EPS15L1: variants seen among roughly 807,000 people sequenced by gnomAD.
EPS15L1 encodes the protein epidermal growth factor receptor pathway substrate 15 like 1, also known as epidermal growth factor receptor substrate 15-like 1.
In EPS15L1, 43 loss-of-function variants were observed where a neutral mutation model predicts 117.1. The observed-to-expected ratio is 0.37, with a 90% CI of 0.29 to 0.47. The LOEUF is 0.47. EPS15L1 is among the 20% of genes least tolerant of loss of function. The pLI is 0.99. For synonymous variants in EPS15L1, 459 were observed against 470.5 expected (o/e 0.98, Z 0.32); for missense variants, 981 against 1,164.0 (o/e 0.84, Z 2.29).
chr19:16,375,054 T>C (rs1008907950), intron 22 of EPS15L1, among the ~76,000 whole-genome samples: 3 of 152,196 alleles, frequency 2.0e-5, no homozygotes, highest in African/African-American at 7.2e-5. Context: ...GCATGCACAA[T>C]GCAGTATGTG....
rs1354125992 is a variant in EPS15L1 at position 16,413,749 on chromosome 19, A to G, written c.1266+24T>C. ...ACTACATTTAGCACAAAGTAGATGT[A>G]ACCAAAACGAACGAGACCCTTACCT... On this transcript the variant is annotated intron_variant, in intron 13 of 23. Coordinates refer to ENST00000455140, the MANE Select transcript of EPS15L1 (RefSeq NM_001258374.3). 6 of 1,603,610 alleles carry G rather than the reference A, an allele frequency of 3.7e-6. No homozygotes were observed. In the East Asian group the frequency reaches 1.3e-4, roughly 36 times the overall value.
chr19:16,385,298 G>A, intron 20 of EPS15L1, 87 bp from the exon 21 acceptor site: 3 of 1,087,728 alleles, frequency 2.8e-6, no homozygotes, highest in South Asian at 2.5e-5. Flanking sequence ...GATGGCCCCT[G>A]AACCAGGAGA....
intron 13 of EPS15L1, chr19:16,413,319 G>C (rs2092725549): frequency 1.5e-6 from 1 of 677,120 alleles, no homozygotes; most frequent in Admixed American, 2.1e-5. Context: ...CTCAGCACCT[G>C]TGTCCAAGAA....
intron 1 of EPS15L1, among the ~76,000 whole-genome samples, chr19:16,460,773 G>A (rs2093240986): frequency 6.6e-6 from 1 of 152,308 alleles, no homozygotes; most frequent in South Asian, 2.1e-4. Context: ...ATGCGCCTAG[G>A]CCAATCGTGT....
chr19:16,447,375 A>G (rs2145107703), intron 1 of EPS15L1, among the ~76,000 whole-genome samples: 1 of 152,360 alleles, frequency 6.6e-6, no homozygotes, highest in Middle Eastern at 3.4e-3. Context: ...GGAAAAAGAC[A>G]TCTCAATTAA....
rs200451970 is a variant in EPS15L1, at chr19:16,441,928, T to C, written c.129A>G (p.Leu43=). 34 of 1,614,110 alleles carry C rather than the reference T, an allele frequency of 2.1e-5. No individual in the cohort carries two copies. The highest frequency in any genetic ancestry group is 1.1e-4 in the South Asian group (10 of 91,060). Residue 43 remains leucine, a synonymous_variant, in exon 3 of 24, where the codon CTA becomes CTG. Transcript: ENST00000455140. ...RVGASEAALF[L]KKSGLSDIIL... ...TAATGTCCGAGAGGCCAGACTTCTT[T>C]AGAAAAAGCGCAGCTTCACTCGCCC... is the stretch of plus-strand genomic sequence containing the variant.
intron 22 of EPS15L1, among the ~76,000 whole-genome samples, chr19:16,372,404 T>C (rs1177784384): frequency 1.3e-5 from 2 of 152,178 alleles, no homozygotes; most frequent in Non-Finnish European, 2.9e-5. Flanking sequence ...CTGCAGCCTC[T>C]AGAACACAAG....
At chr19:16,469,077 A>C (rs965927028) in intron 1 of EPS15L1, among the ~76,000 whole-genome samples, 1 of 152,110 alleles carries the variant, frequency 6.6e-6, no homozygotes, top group African/African-American at 2.4e-5. Context: ...GGAGTGGGCA[A>C]GTAGGAAGTA....
At chr19:16,458,826 G>A (rs1360901299) in intron 1 of EPS15L1, among the ~76,000 whole-genome samples, 1 of 152,006 alleles carries the variant, frequency 6.6e-6, no homozygotes, top group East Asian at 1.9e-4. Context: ...TGAACATATC[G>A]GGCACCTTTC....
At chr19:16,387,773 CA>C (rs748349302) in intron 19 of EPS15L1, among the ~76,000 whole-genome samples, 1 of 146,436 alleles carries the variant, frequency 6.8e-6, no homozygotes, top group South Asian at 2.2e-4. Flanking sequence ...CTCAAACAAA[CA>C]AAAAAAAACC....
chr19:16,366,167 A>T (rs544303442), intron 22 of EPS15L1, among the ~76,000 whole-genome samples: 4 of 152,156 alleles, frequency 2.6e-5, no homozygotes, highest in Admixed American at 1.3e-4. Context: ...GCCCCCTGGG[A>T]CGGGCAGCAA....
In EPS15L1 at chr19:16,412,952, G is replaced by A. The variant is rs551681368; in HGVS notation, c.1266+821C>T. 1.1e-4 allele frequency: 76 copies of A among 663,940 alleles called. 1 individual carries two copies. The highest frequency in any genetic ancestry group is 9.0e-4 in the African/African-American group (51 of 56,466). 41.1% of individuals were successfully genotyped at this position (663,940 alleles called of 1,614,324 possible). The stretch of plus-strand genomic sequence containing the variant: ...CTGGAGGAGAGCTATCTCTTCTCCC[G>A]CCCATCAAGGAATCTGAGATCATTG... On this transcript the variant is annotated intron_variant, in intron 13 of 23. Transcript: ENST00000455140.
chr19:16,403,332 C>G (rs138191605), intron 15 of EPS15L1, among the ~76,000 whole-genome samples: 3 of 152,330 alleles, frequency 2.0e-5, no homozygotes, highest in African/African-American at 7.2e-5. Flanking sequence ...CTGAACACAC[C>G]AGTGGCTGTG....
intron 1 of EPS15L1, 54 bp from the exon 2 acceptor site, chr19:16,442,273 A>G: frequency 6.6e-7 from 1 of 1,521,496 alleles, no homozygotes. Context: ...CCTTGGGGAA[A>G]AAAAGGGTTG....
At chr19:16,423,824 G>C (rs2092840971) in intron 9 of EPS15L1, among the ~76,000 whole-genome samples, 1 of 152,210 alleles carries the variant, frequency 6.6e-6, no homozygotes, top group Non-Finnish European at 1.5e-5. Flanking sequence ...CAGACAAGCT[G>C]AGCTGTGGCG....
chr19:16,455,894 C>G (rs369929887), intron 1 of EPS15L1, among the ~76,000 whole-genome samples: 6 of 152,174 alleles, frequency 3.9e-5, no homozygotes, highest in East Asian at 3.9e-4. Flanking sequence ...GACCTCCCCC[C>G]ACCCTTCGCA....
chr19:16,419,981 TC>T (rs1456388217), intron 10 of EPS15L1, among the ~76,000 whole-genome samples: 1 of 152,228 alleles, frequency 6.6e-6, no homozygotes, highest in African/African-American at 2.4e-5. Context: ...TCAGCGGCCA[TC>T]CGGCTCTGAC....
Position 16,471,820 on chromosome 19 carries a change from G to T in EPS15L1, c.33+93C>A, listed in dbSNP as rs2093348784. ...TTCAGCACGCGCCGCCCCCGCCGCC[G>T]CCTGGCTGAGTCTCCCAGCGCCTCA... is the stretch of plus-strand genomic sequence containing the variant. On this transcript the variant is annotated intron_variant, in intron 1 of 23. Transcript: ENST00000455140. This position sits in a 1 kb window ranked among gnomAD's most constrained non-coding sequence, Gnocchi z 4.8. 8.2e-6 allele frequency: 3 copies of T among 364,484 alleles called. No homozygotes were observed. The highest frequency in any genetic ancestry group is 1.2e-5 in the Non-Finnish European group (3 of 243,528). 22.6% of individuals were successfully genotyped at this position (364,484 alleles called of 1,614,324 possible). A position where few individuals can be genotyped will look rare whatever the true frequency, so the allele number is the denominator to read the frequency against.
At position 16,392,360 on chromosome 19, in the gene EPS15L1, T is replaced by C; in HGVS notation, c.2047A>G (p.Lys683Glu). The change falls in exon 19 of 24, where the codon AAG becomes GAG. Residue 683 changes from lysine (K) to glutamate (E), a missense_variant. Physicochemically the swap from Lys to Glu is moderately conservative, Grantham distance 56 (BLOSUM62 1). Coordinates refer to ENST00000455140, the MANE Select transcript of EPS15L1 (RefSeq NM_001258374.3). ...GGATCCGAGGTAAATGGGTCATTCT[T>C]TGTCTGTTTCTTGAAGAAGTCGTCA... ...ATDDFFKKQTKNDPFTSDPFT... is the reference protein window; with the variant it reads ...ATDDFFKKQTENDPFTSDPFT... 6.2e-7 allele frequency: 1 copy of C among 1,614,190 alleles called. No individual in the cohort carries two copies. The highest frequency in any genetic ancestry group is 8.5e-7 in the Non-Finnish European group (1 of 1,180,000).
Sources: gnomAD v4.1 joint callset for allele counts (sites outside exome capture counted in the v4.1 genomes callset) on GRCh38, gnomAD v4.1.1 for gene constraint, Gnocchi (gnomAD v3.1) non-coding constraint, MANE v1.5 for transcripts, NCBI Gene and HGNC (gene_info 2026-07-23, HGNC 2026-07-21) for gene names.